Variants in RAB3IL1 observed in about 807,000 individuals in gnomAD.
RAB3IL1 encodes guanine nucleotide exchange factor for Rab-3A.
A neutral mutation model predicts 49.2 loss-of-function variants in RAB3IL1; 37 were observed. The ratio of observed to expected loss-of-function variants is 0.75; its 90% confidence interval spans 0.58 to 0.99. RAB3IL1 has a LOEUF of 0.99. Ranked by LOEUF, RAB3IL1 falls within the 50% of genes least tolerant of loss-of-function variation. The probability of loss-of-function intolerance (pLI) is 0.00; values close to 1 mark genes in which losing one functional copy is unlikely to be tolerated. For synonymous variants in RAB3IL1, 193 were observed against 213.9 expected (o/e 0.90, Z 0.85); for missense variants, 484 against 513.0 (o/e 0.94, Z 0.55).
chr11:61,945,768 C>G, the RAB3IL1 span: 3 of 985,224 alleles, frequency 3.0e-6, no homozygotes, highest in African/African-American at 5.2e-5. Flanking sequence ...TGGTCAGTGC[C>G]TCACCTGGCC....
the RAB3IL1 span, among the ~76,000 whole-genome samples, chr11:61,931,434 A>G: frequency 2.6e-5 from 4 of 152,314 alleles, no homozygotes; most frequent in Admixed American, 6.5e-5. Flanking sequence ...TCTAAGACGA[A>G]TGTTACCCAA....
chr11:61,920,288 C>G, upstream of RAB3IL1: 1 of 1,231,750 alleles, frequency 8.1e-7, no homozygotes, highest in Non-Finnish European at 1.0e-6. Flanking sequence ...TCACACTAAC[C>G]TTTGCTATCT....
chr11:61,929,214 T>C, the RAB3IL1 span, among the ~76,000 whole-genome samples: 1 of 152,168 alleles, frequency 6.6e-6, no homozygotes, highest in Non-Finnish European at 1.5e-5. Context: ...TATGATAAGT[T>C]ATTGTTAATA....
At chr11:61,923,156 C>T (rs1939942232), upstream of RAB3IL1, among the ~76,000 whole-genome samples, 1 of 152,224 alleles carries the variant, frequency 6.6e-6, no homozygotes, top group Non-Finnish European at 1.5e-5. Flanking sequence ...TTAGACACAG[C>T]TTGGACTGGA....
rs1938687395 is a variant in RAB3IL1 at position 61,897,656 on chromosome 11, G to C, written c.*622C>G. 1 of 152,314 alleles carries C rather than the reference G, an allele frequency of 6.6e-6. No individual in the cohort carries two copies. The highest frequency in any genetic ancestry group is 6.6e-5 in the Admixed American group (1 of 15,236). The allele number at this position is 152,314 out of a possible 1,614,324, so 9.4% of individuals were successfully genotyped here. On this transcript the variant is annotated 3_prime_UTR_variant, in exon 10 of 10. Coordinates refer to ENST00000394836, the MANE Select transcript of RAB3IL1 (RefSeq NM_013401.4). ...GGTGACAAGGGAGGCCTTTATGAAG[G>C]GGGAGGGAGGAAGGGGGAAAGGAAG...
At chr11:61,942,094 C>A in the RAB3IL1 span, among the ~76,000 whole-genome samples, 17 of 152,102 alleles carry the variant, frequency 1.1e-4, no homozygotes, top group African/African-American at 4.1e-4. Flanking sequence ...TCCTGTAATC[C>A]CAACTACTTG....
chr11:61,932,274 A>G, the RAB3IL1 span, among the ~76,000 whole-genome samples: 4 of 151,990 alleles, frequency 2.6e-5, no homozygotes, highest in African/African-American at 4.8e-5. Flanking sequence ...AAAGAAAATG[A>G]AGGGGGTAAA....
At position 61,917,493 on chromosome 11, in the gene RAB3IL1, G is replaced by A. The variant is rs1217525478; in HGVS notation, c.-126C>T. The A allele has an allele frequency of 2.4e-5, 28 of 1,144,634 alleles. No individual in the cohort carries two copies. Among genetic ancestry groups the A allele is most frequent in the Non-Finnish European group, 2.9e-5 (27 of 933,900 alleles). The allele number at this position is 1,144,634 out of a possible 1,614,324, so 70.9% of individuals were successfully genotyped here. Reference sequence around the variant, plus strand: ...CCCACCGCCTGTCAGCCCTGCCCGCGGCCGGTCAGTAGGTCTCAGACGCCT... The same window carrying A: ...CCCACCGCCTGTCAGCCCTGCCCGCAGCCGGTCAGTAGGTCTCAGACGCCT... On this transcript the variant is annotated 5_prime_UTR_variant, in exon 1 of 10. Transcript: ENST00000394836.
rs549702716 is a variant in RAB3IL1, at chr11:61,902,736, C to T, written c.900-195G>A. Among the ~76,000 whole-genome samples the T allele has an allele frequency of 2.6e-5, 4 of 152,320 alleles. No individual in the cohort carries two copies. In the East Asian group the frequency reaches 5.8e-4, roughly 22 times the overall value. ...CCCCAGCCATCCCTGGGACAGACCT[C>T]GAACTAAGCTGAGCTGTACCCCTAG... On this transcript the variant is annotated intron_variant, in intron 7 of 9. Transcript: ENST00000394836.
chr11:61,907,184 G>A (rs1939232944), intron 4 of RAB3IL1, among the ~76,000 whole-genome samples: 1 of 152,218 alleles, frequency 6.6e-6, no homozygotes. Flanking sequence ...CTGCCATGCA[G>A]CAGAATCACT....
At chr11:61,939,958 A>G in the RAB3IL1 span, among the ~76,000 whole-genome samples, 5 of 140,940 alleles carry the variant, frequency 3.5e-5, no homozygotes, top group Non-Finnish European at 6.2e-5. Flanking sequence ...ACTCTGTCTC[A>G]AAAAAAAAAA....
chr11:61,898,476 C>A lies in RAB3IL1; in HGVS notation c.1067-116G>T. 1 of 823,488 alleles carries A rather than the reference C, an allele frequency of 1.2e-6. No individual in the cohort carries two copies. The highest frequency in any genetic ancestry group is 2.4e-5 in the East Asian group (1 of 40,944). The allele number at this position is 823,488 out of a possible 1,614,324, so 51.0% of individuals were successfully genotyped here. On this transcript the variant is annotated intron_variant, in intron 9 of 9. Transcript: ENST00000394836. This position sits in a 1 kb window ranked among gnomAD's most constrained non-coding sequence, Gnocchi z 5.1. ...CAGCTGGCACAGCACCCTAGGGTCC[C>A]CGGCCCCCAAAACAGATGACCTCAG...
chr11:61,945,050 A>G, the RAB3IL1 span, among the ~76,000 whole-genome samples: 1 of 152,260 alleles, frequency 6.6e-6, no homozygotes, highest in East Asian at 1.9e-4. Context: ...ATGGGTGGAG[A>G]AGGCTGTAGC....
the RAB3IL1 span, among the ~76,000 whole-genome samples, chr11:61,929,731 G>A: frequency 6.6e-6 from 1 of 150,632 alleles, no homozygotes; most frequent in African/African-American, 2.4e-5. Flanking sequence ...GACTACAGGT[G>A]TGCACCACCA....
the RAB3IL1 span, among the ~76,000 whole-genome samples, chr11:61,944,903 GT>G: frequency 6.6e-6 from 1 of 152,124 alleles, no homozygotes; most frequent in Non-Finnish European, 1.5e-5. Flanking sequence ...ATTTTGCCAT[GT>G]TGGCCAGGCT....
At chr11:61,917,739 G>A (rs922119324), upstream of RAB3IL1, 3 of 218,338 alleles carry the variant, frequency 1.4e-5, no homozygotes, top group Admixed American at 6.5e-5. Context: ...CGCGGGCCGC[G>A]CCGCGCTCAG....
upstream of RAB3IL1, among the ~76,000 whole-genome samples, chr11:61,923,549 C>T (rs1287397151): frequency 6.6e-6 from 1 of 152,224 alleles, no homozygotes; most frequent in Non-Finnish European, 1.5e-5. Context: ...GATTTTTCCC[C>T]TGCAGGGCTG....
chr11:61,943,642 A>C, the RAB3IL1 span, among the ~76,000 whole-genome samples: 2 of 152,216 alleles, frequency 1.3e-5, no homozygotes, highest in Non-Finnish European at 2.9e-5. Flanking sequence ...TCCAACTGAA[A>C]AAATGGGCAA....
intron 1 of RAB3IL1, among the ~76,000 whole-genome samples, chr11:61,914,338 G>C (rs755038428): frequency 3.3e-5 from 5 of 152,206 alleles, no homozygotes; most frequent in Non-Finnish European, 7.3e-5. Flanking sequence ...GCCCTCTCTA[G>C]CCATAGGTAT....
Sources: gnomAD v4.1 joint callset for allele counts (sites outside exome capture counted in the v4.1 genomes callset) on GRCh38, gnomAD v4.1.1 for gene constraint, Gnocchi (gnomAD v3.1) non-coding constraint, MANE v1.5 for transcripts, NCBI Gene and HGNC (gene_info 2026-07-23, HGNC 2026-07-21) for gene names.